The following GABRG3 variants were observed in gnomAD, a reference collection of about 807,000 sequenced individuals.
The protein encoded by GABRG3 is gamma-aminobutyric acid receptor subunit gamma-3.
A neutral mutation model predicts 48.8 loss-of-function variants in GABRG3; 25 were observed. That is an observed-to-expected ratio of 0.51 (90% confidence interval 0.37 to 0.72). The LOEUF is 0.72. Among genes scored for constraint, GABRG3 ranks in the 30% least tolerant of loss-of-function variants. The probability of loss-of-function intolerance (pLI) is 0.00; values close to 1 mark genes in which losing one functional copy is unlikely to be tolerated. For synonymous variants in GABRG3, 227 were observed against 217.6 expected, an observed-to-expected ratio of 1.04 and a Z score of -0.38; for missense variants, 394 against 577.9, an observed-to-expected ratio of 0.68 and a Z score of 3.26.
chr15:26,979,934 G>A (rs1473280193), intron 2 of GABRG3, among the ~76,000 whole-genome samples: 1 of 152,124 alleles, frequency 6.6e-6, no homozygotes, highest in African/African-American at 2.4e-5. Flanking sequence ...TTCTTTAAAT[G>A]TTTGATAGAA....
intron 6 of GABRG3, among the ~76,000 whole-genome samples, chr15:27,496,807 A>G (rs1405419045): frequency 6.6e-6 from 1 of 152,218 alleles, no homozygotes; most frequent in Admixed American, 6.5e-5. Context: ...CTCACATGGC[A>G]GGATGTAGAA....
chr15:27,101,334 G>A (rs1897352926), intron 3 of GABRG3, among the ~76,000 whole-genome samples: 1 of 152,144 alleles, frequency 6.6e-6, no homozygotes, highest in Admixed American at 6.5e-5. Context: ...ATGGAGAGAT[G>A]TATTTTTTCA....
intron 3 of GABRG3, among the ~76,000 whole-genome samples, chr15:27,052,751 C>G (rs916284351): frequency 6.6e-6 from 1 of 152,158 alleles, no homozygotes; most frequent in Non-Finnish European, 1.5e-5. Flanking sequence ...GAGGGAAACA[C>G]AATTTCATAC....
In GABRG3 at chr15:27,300,760, A is replaced by G. The variant is rs146850267; in HGVS notation, c.271-26049A>G. On this transcript the variant is annotated intron_variant, in intron 3 of 9. Coordinates refer to ENST00000615808, the MANE Select transcript of GABRG3 (RefSeq NM_033223.5). ...AGTTATCAGCAAAGAAATTGAGATT[A>G]AGAAAAGAAGCAGCTGGAAATTTTA... Among the ~76,000 whole-genome samples the G allele has an allele frequency of 3.3e-3, 500 of 152,108 alleles. 1 individual carries two copies. Among genetic ancestry groups the G allele is most frequent in the Non-Finnish European group, 5.8e-3 (391 of 67,992 alleles).
chr15:27,195,144 A>C (rs1023293058), intron 3 of GABRG3, among the ~76,000 whole-genome samples: 1 of 151,514 alleles, frequency 6.6e-6, no homozygotes, highest in African/African-American at 2.4e-5. Context: ...TTCTTTCAAG[A>C]GAATGAATAA....
chr15:27,129,378 TTTCC>T (rs1897876358), intron 3 of GABRG3, among the ~76,000 whole-genome samples: 1 of 152,188 alleles, frequency 6.6e-6, no homozygotes. Context: ...TGTCTTAGCA[TTTCC>T]TTCCTTTTTA....
chr15:26,985,757 G>A (rs1196345922), intron 2 of GABRG3, among the ~76,000 whole-genome samples: 1 of 152,166 alleles, frequency 6.6e-6, no homozygotes, highest in African/African-American at 2.4e-5. Context: ...GTGAAATTTG[G>A]AGTGTATGAA....
At chr15:27,477,801 A>C (rs191574921) in intron 5 of GABRG3, among the ~76,000 whole-genome samples, 1 of 152,102 alleles carries the variant, frequency 6.6e-6, no homozygotes, top group African/African-American at 2.4e-5. Context: ...AGCACTTTGG[A>C]AGGCCAAGGC....
At chr15:27,030,516 C>A (rs190654073) in intron 3 of GABRG3, among the ~76,000 whole-genome samples, 2 of 152,212 alleles carry the variant, frequency 1.3e-5, no homozygotes, top group Admixed American at 6.5e-5. Flanking sequence ...GAAGCTTTCA[C>A]AGCATCCTCT....
intron 3 of GABRG3, among the ~76,000 whole-genome samples, chr15:27,292,769 C>T (rs991363022): frequency 7.2e-5 from 11 of 152,032 alleles, no homozygotes; most frequent in African/African-American, 1.4e-4. Flanking sequence ...GCAACTTTTC[C>T]GAAGTTGTTA....
chr15:27,221,852 A>T (rs1889464021), intron 3 of GABRG3, among the ~76,000 whole-genome samples: 1 of 152,194 alleles, frequency 6.6e-6, no homozygotes. Flanking sequence ...AAGATGATGA[A>T]GATGCTGTTT....
intron 3 of GABRG3, among the ~76,000 whole-genome samples, chr15:27,107,535 A>G (rs1425502388): frequency 6.6e-6 from 1 of 151,950 alleles, no homozygotes; most frequent in Non-Finnish European, 1.5e-5. Flanking sequence ...TTTTGTTATT[A>G]GGGTAATGCT....
intron 3 of GABRG3, chr15:27,158,266 C>G (rs1020200526): frequency 6.6e-6 from 1 of 152,102 alleles, no homozygotes; most frequent in African/African-American, 2.4e-5. Flanking sequence ...TAAAATATAC[C>G]TGGATCTGTA....
chr15:27,423,260 A>C lies in GABRG3; in HGVS notation c.575-57390A>C, dbSNP rs1020249696. The stretch of plus-strand genomic sequence containing the variant: ...ATTATGATAAAAAAAAAAAAAAAAA[A>C]AAAAACCTCTAGAGAGCCAAATTCC... On this transcript the variant is annotated intron_variant, in intron 5 of 9. Transcript: ENST00000615808. 1.0e-4 allele frequency among the ~76,000 whole-genome samples: 15 copies of C among 150,340 alleles called. 1 individual carries two copies. The highest frequency in any genetic ancestry group is 1.3e-4 in the Admixed American group (2 of 15,228).
intron 3 of GABRG3, among the ~76,000 whole-genome samples, chr15:27,027,555 T>A (rs1896007155): frequency 1.3e-5 from 2 of 152,216 alleles, no homozygotes; most frequent in South Asian, 4.1e-4. Context: ...CATTGCAGTG[T>A]TCTGTGGATG....
At chr15:27,148,554 A>G (rs538592034) in intron 3 of GABRG3, among the ~76,000 whole-genome samples, 1 of 152,144 alleles carries the variant, frequency 6.6e-6, no homozygotes, top group East Asian at 1.9e-4. Flanking sequence ...AATGAAAACT[A>G]CAAATCAACA....
intron 5 of GABRG3, among the ~76,000 whole-genome samples, chr15:27,382,262 A>G (rs963407669): frequency 7.2e-5 from 11 of 152,204 alleles, no homozygotes; most frequent in Admixed American, 6.5e-4. Context: ...TCTAGGTTAG[A>G]TAAAAGTTAA....
intron 2 of GABRG3, among the ~76,000 whole-genome samples, chr15:27,023,460 A>C (rs1055410522): frequency 1.2e-4 from 18 of 152,096 alleles, no homozygotes; most frequent in Non-Finnish European, 1.6e-4. Flanking sequence ...CCCATTAAAC[A>C]ACTCCCATTT....
At chr15:27,110,730 G>C (rs1049620593) in intron 3 of GABRG3, among the ~76,000 whole-genome samples, 27 of 152,018 alleles carry the variant, frequency 1.8e-4, no homozygotes, top group African/African-American at 6.0e-4. Context: ...CATAATTTCT[G>C]ATGAGACATC....
Sources: gnomAD v4.1 joint callset for allele counts (sites outside exome capture counted in the v4.1 genomes callset) on GRCh38, gnomAD v4.1.1 for gene constraint, MANE v1.5 for transcripts, NCBI Gene and HGNC (gene_info 2026-07-23, HGNC 2026-07-21) for gene names.